RFX4: variants seen among roughly 807,000 people sequenced by gnomAD.
The protein encoded by RFX4 is transcription factor RFX4.
In RFX4, 10 loss-of-function variants were observed where a neutral mutation model predicts 95.0. That is an observed-to-expected ratio of 0.11 (90% confidence interval 0.06 to 0.18). The LOEUF (loss-of-function observed/expected upper bound fraction) is 0.18. Ranked by LOEUF, RFX4 falls within the 10% of genes least tolerant of loss-of-function variation. The pLI is 1.00. For missense variants in RFX4, 640 were observed against 922.0 expected (o/e 0.69, Z 3.96); for synonymous variants, 321 against 340.7 (o/e 0.94, Z 0.64).
intron 3 of RFX4, among the ~76,000 whole-genome samples, chr12:106,648,631 T>G (rs929262910): frequency 1.3e-5 from 2 of 150,422 alleles, no homozygotes; most frequent in African/African-American, 2.4e-5. Context: ...GTGGGGTTTT[T>G]TTTTTTTTTT....
chr12:106,641,021 C>A (rs573610915), intron 3 of RFX4, among the ~76,000 whole-genome samples: 4 of 152,044 alleles, frequency 2.6e-5, no homozygotes, highest in Non-Finnish European at 4.4e-5. Context: ...CCTCAGGTGA[C>A]CCTCCTGCCT....
intron 8 of RFX4, among the ~76,000 whole-genome samples, chr12:106,700,035 T>C (rs1054131978): frequency 1.3e-5 from 2 of 152,092 alleles, no homozygotes; most frequent in Admixed American, 1.3e-4. Context: ...GCTTTCTTTT[T>C]CCCCCTCTGA....
intron 3 of RFX4, among the ~76,000 whole-genome samples, chr12:106,650,695 TC>T (rs1354127079): frequency 6.6e-6 from 1 of 151,670 alleles, no homozygotes; most frequent in East Asian, 1.9e-4. Context: ...GCCATTTCAC[TC>T]CAGCCTGGGT....
rs1395933830 is a variant in RFX4 at position 106,761,461 on chromosome 12, G to A, written c.2200G>A (p.Ala734Thr). ...YINGEASTGW[A>T]K ...CAACGGAGAGGCCTCTACAGGATGG[G>A]CTAAATGACTGCTATCATAGGCATC... Residue 734 changes from alanine to threonine, a missense_variant, in exon 18 of 18, where the codon GCT becomes ACT. Ala to Thr is a moderately conservative substitution (Grantham distance 58). Around this residue, in one of 7 missense-constraint regions of RFX4, gnomAD observed 300 missense variants for 346.8 expected, o/e 0.87. Coordinates refer to ENST00000392842, the MANE Select transcript of RFX4 (RefSeq NM_213594.3). 2.5e-6 allele frequency: 4 copies of A among 1,600,216 alleles called. No individual in the cohort carries two copies. The highest frequency in any genetic ancestry group is 3.4e-6 in the Non-Finnish European group (4 of 1,172,512).
intron 1 of RFX4, among the ~76,000 whole-genome samples, chr12:106,595,916 A>G (rs1229671426): frequency 1.3e-5 from 2 of 152,208 alleles, no homozygotes; most frequent in Admixed American, 1.3e-4. Flanking sequence ...CACTATTCAA[A>G]TACCCACCTC....
At chr12:106,714,808 GTA>G (rs1220475445) in intron 10 of RFX4, 1 of 152,160 alleles carries the variant, frequency 6.6e-6, no homozygotes, top group African/African-American at 2.4e-5. Context: ...GAGATGTATG[GTA>G]TAGTTTCCCT....
chr12:106,646,477 C>T (rs2040749431), intron 3 of RFX4, among the ~76,000 whole-genome samples: 1 of 126,632 alleles, frequency 7.9e-6, no homozygotes, highest in Non-Finnish European at 1.7e-5. Flanking sequence ...CTTGAATAAC[C>T]AAAAACTGAG....
chr12:106,666,939 C>A (rs2041188791), intron 4 of RFX4, among the ~76,000 whole-genome samples: 1 of 152,006 alleles, frequency 6.6e-6, no homozygotes, highest in Non-Finnish European at 1.5e-5. Context: ...TGTGTTTTAG[C>A]ATGCCTTGTA....
intron 5 of RFX4, 155 bp downstream of exon 5, chr12:106,682,209 CCTCT>C (rs2041529478): frequency 5.7e-6 from 4 of 696,888 alleles, no homozygotes; most frequent in Non-Finnish European, 9.6e-6. Flanking sequence ...GGCCAGGGCC[CCTCT>C]CTCAGGACTC....
intron 17 of RFX4, among the ~76,000 whole-genome samples, chr12:106,759,702 A>C (rs755354962): frequency 7.2e-5 from 11 of 152,124 alleles, no homozygotes; most frequent in Non-Finnish European, 1.2e-4. Context: ...TGCTGTCCAT[A>C]GTCTCCTTGG....
At chr12:106,704,811 ATGCATGTGTGTGTG>A (rs952711457) in intron 8 of RFX4, among the ~76,000 whole-genome samples, 7 of 151,930 alleles carry the variant, frequency 4.6e-5, no homozygotes, top group Admixed American at 1.3e-4. Context: ...GTGTGTGTGT[ATGCATGTGTGTGTG>A]TGCATGTGTG....
chr12:106,650,915 G>A (rs2040845719), intron 3 of RFX4, among the ~76,000 whole-genome samples: 1 of 151,826 alleles, frequency 6.6e-6, no homozygotes. Context: ...TATTCCTATA[G>A]CATCCCGGAA....
In RFX4 at chr12:106,689,273, A is replaced by G. The variant is rs1291354920; in HGVS notation, c.592-14A>G. 1 of 1,601,398 alleles carries G rather than the reference A, an allele frequency of 6.2e-7. No individual in the cohort carries two copies. Among genetic ancestry groups the G allele is most frequent in the Admixed American group, 1.7e-5 (1 of 60,004 alleles). The stretch of plus-strand genomic sequence containing the variant: ...TGTATGTCTTTGTTGTTGATCCTCT[A>G]CACACCCCCACAGGTTTCTACCTTT... On this transcript the variant is annotated splice_polypyrimidine_tract_variant and intron_variant, in intron 6 of 17. Transcript: ENST00000392842.
rs182110387 is a variant in RFX4 at position 106,637,698 on chromosome 12, A to T, written c.131-1634A>T. On this transcript the variant is annotated intron_variant, in intron 2 of 17. Coordinates refer to ENST00000392842, the MANE Select transcript of RFX4 (RefSeq NM_213594.3). Reference sequence around the variant, plus strand: ...AGGAATTGGATAAGAGACTGATTATATGTATTTCTCAGTAAATCCATGATG... The same window carrying T: ...AGGAATTGGATAAGAGACTGATTATTTGTATTTCTCAGTAAATCCATGATG... Among the ~76,000 whole-genome samples, 23 of 152,292 alleles carry T rather than the reference A, an allele frequency of 1.5e-4. 1 individual carries two copies. The East Asian group carries it at 2.5e-3, about 17-fold the overall frequency.
intron 8 of RFX4, among the ~76,000 whole-genome samples, chr12:106,708,343 GT>G (rs796270806): frequency 0.01 from 1,516 of 145,850 alleles, 24 homozygotes; most frequent in African/African-American, 0.034. Context: ...GTGTGTGTAT[GT>G]TTTTTTTTTT....
chr12:106,738,050 C>T (rs924091179), intron 15 of RFX4, among the ~76,000 whole-genome samples: 1 of 152,106 alleles, frequency 6.6e-6, no homozygotes, highest in Non-Finnish European at 1.5e-5. Context: ...AAGTACCATT[C>T]GCAGCTCTTC....
At chr12:106,659,962 C>A (rs971706344) in intron 4 of RFX4, among the ~76,000 whole-genome samples, 12 of 152,160 alleles carry the variant, frequency 7.9e-5, no homozygotes, top group African/African-American at 2.9e-4. Flanking sequence ...GGAGAGAAGT[C>A]TCAGCCTCTG....
At chr12:106,592,618 C>T (rs371377191) in intron 1 of RFX4, among the ~76,000 whole-genome samples, 34 of 151,744 alleles carry the variant, frequency 2.2e-4, no homozygotes, top group African/African-American at 6.8e-4. Context: ...GCCTTCCCCC[C>T]ACCCCAGCCC....
intron 15 of RFX4, among the ~76,000 whole-genome samples, chr12:106,741,534 T>A (rs2042803443): frequency 2.0e-5 from 3 of 152,162 alleles, no homozygotes; most frequent in Admixed American, 6.5e-5. Flanking sequence ...CTAGTGGAAT[T>A]AAGAAACTGA....
Sources: allele counts gnomAD v4.1 joint callset (sites outside exome capture counted in the v4.1 genomes callset), GRCh38; gene constraint gnomAD v4.1.1; regional missense constraint gnomAD v4.1.1; transcripts MANE v1.5; gene names NCBI Gene and HGNC (gene_info 2026-07-23, HGNC 2026-07-21).